Variants in ZNF440 observed in about 807,000 individuals in gnomAD.
ZNF440 encodes zinc finger protein 440.
A neutral mutation model predicts 49.7 loss-of-function variants in ZNF440; 47 were observed. That is an observed-to-expected ratio of 0.95 (90% CI 0.75 to 1.21). The LOEUF is 1.21. ZNF440 is among the 50% of genes most tolerant of loss of function. The probability of loss-of-function intolerance (pLI) is 0.00; values close to 1 mark genes in which losing one functional copy is unlikely to be tolerated. For missense variants in ZNF440, 703 were observed against 715.0 expected, an observed-to-expected ratio of 0.98 and a Z score of 0.19; for synonymous variants, 255 against 237.7, an observed-to-expected ratio of 1.07 and a Z score of -0.67.
chr19:11,817,853 C>T (rs922517476), intron 1 of ZNF440, among the ~76,000 whole-genome samples: 2 of 152,138 alleles, frequency 1.3e-5, no homozygotes, highest in Non-Finnish European at 2.9e-5. Context: ...AAATTTATTA[C>T]TCTGTTGATT....
rs974711512 is a variant in ZNF440, at chr19:11,833,066, C to T, written c.*102C>T. ...TGAAAAATCTTACACTGGAGAGAAA[C>T]CCTATGAGTGTAAGCAATGTGGGAA... On this transcript the variant is annotated 3_prime_UTR_variant, in exon 4 of 4. Transcript: ENST00000304060. 9 of 1,555,332 alleles carry T rather than the reference C, an allele frequency of 5.8e-6. No individual in the cohort carries two copies. The highest frequency in any genetic ancestry group is 1.1e-5 in the South Asian group (1 of 87,818).
chr19:11,830,969 T>C (rs1975929749), intron 3 of ZNF440, among the ~76,000 whole-genome samples: 1 of 152,078 alleles, frequency 6.6e-6, no homozygotes, highest in Non-Finnish European at 1.5e-5. Flanking sequence ...TAGCTGGGCA[T>C]TGTGGTCTGT....
rs752787739 is a variant in ZNF440 at position 11,830,351 on chromosome 19, C to T, written c.72C>T (p.Ser24=). The stretch of plus-strand genomic sequence containing the variant: ...AGGAGTGGGCTTTGCTGGATATTTC[C>T]CAGAGGAAACTCTACAGGGAAGTGA... ...TQEEWALLDI[S]QRKLYREVML... is the part of the protein sequence containing the mutation. The change falls in exon 2 of 4, where the codon TCC becomes TCT. Residue 24 remains serine, a synonymous_variant. Transcript: ENST00000304060. 5.6e-5 allele frequency: 91 copies of T among 1,614,124 alleles called. 1 individual carries two copies. The South Asian group carries it at 9.7e-4, about 17-fold the overall frequency.
Position 11,833,008 on chromosome 19 carries a change from G to A in ZNF440, c.*44G>A, listed in dbSNP as rs375049. 0.36 allele frequency: 583,033 copies of A among 1,597,674 alleles called. 108,700 individuals are homozygous for A. The highest frequency in any genetic ancestry group is 0.47 in the African/African-American group (34,443 of 73,680). ...CTTATAAATGTAAGATATGTGGGAG[G>A]GGCTTTTATTCTGCCAAGTCATTTC... On this transcript the variant is annotated 3_prime_UTR_variant, in exon 4 of 4. Transcript: ENST00000304060.
chr19:11,826,149 A>G (rs1056463889), intron 1 of ZNF440, among the ~76,000 whole-genome samples: 1 of 152,080 alleles, frequency 6.6e-6, no homozygotes, highest in African/African-American at 2.4e-5. Flanking sequence ...ATAACATTCT[A>G]TTGTACGGAT....
In ZNF440 at chr19:11,833,895, A is replaced by T; in HGVS notation, c.*931A>T. 1 of 377,944 alleles carries T rather than the reference A, an allele frequency of 2.6e-6. No homozygotes were observed. Among genetic ancestry groups the T allele is most frequent in the Non-Finnish European group, 4.9e-6 (1 of 204,350 alleles). 23.4% of individuals were successfully genotyped at this position (377,944 alleles called of 1,614,324 possible). A position where few individuals can be genotyped will look rare whatever the true frequency, so the allele number is the denominator to read the frequency against. ...TTGAATACAGATAATGAATGTAAAC[A>T]ATTAACTGTTTATAATAACTGTATA... is the stretch of plus-strand genomic sequence containing the variant. On this transcript the variant is annotated 3_prime_UTR_variant, in exon 4 of 4. Transcript: ENST00000304060.
In ZNF440 at chr19:11,832,868, C is replaced by T; in HGVS notation, c.1692C>T (p.His564=). ...ACACCTTTGAATACGTGGTAGGACA[C>T]ACAATGGAGAGAAGCCCTATGCATG... The part of the protein sequence containing the change: ...LPHTFEYVVG[H]TMERSPMHVR... The change falls in exon 4 of 4, where the codon CAC becomes CAT. Residue 564 remains histidine (H), a synonymous_variant. Transcript: ENST00000304060. 2 of 1,612,652 alleles carry T rather than the reference C, an allele frequency of 1.2e-6. No individual in the cohort carries two copies. The highest frequency in any genetic ancestry group is 2.2e-5 in the East Asian group (1 of 44,852).
chr19:11,830,934 C>T (rs144842487), intron 3 of ZNF440, among the ~76,000 whole-genome samples: 1 of 152,208 alleles, frequency 6.6e-6, no homozygotes, highest in African/African-American at 2.4e-5. Context: ...CATAACGAGA[C>T]CACATATCAA....
intron 1 of ZNF440, among the ~76,000 whole-genome samples, chr19:11,829,391 TC>T (rs995720784): frequency 1.3e-5 from 2 of 151,012 alleles, no homozygotes; most frequent in African/African-American, 4.9e-5. Context: ...TCCCAGGGGC[TC>T]CCCCTCCTGC....
At chr19:11,829,690 A>G (rs1975909414) in intron 1 of ZNF440, among the ~76,000 whole-genome samples, 1 of 152,156 alleles carries the variant, frequency 6.6e-6, no homozygotes, top group African/African-American at 2.4e-5. Context: ...TGAACTAGCC[A>G]GGTGTGGTGG....
intron 1 of ZNF440, among the ~76,000 whole-genome samples, chr19:11,815,327 A>ACACACACACACACACACAC (rs1568237561): frequency 1.5e-5 from 1 of 68,280 alleles, no homozygotes. Flanking sequence ...CACACACACA[A>ACACACACACACACACACAC]ATTAAATAGG....
chr19:11,833,794 A>C lies in ZNF440; in HGVS notation c.*830A>C, dbSNP rs1975984516. 1.2e-6 allele frequency: 1 copy of C among 832,464 alleles called. No homozygotes were observed. Among genetic ancestry groups the C allele is most frequent in the Admixed American group, 2.6e-5 (1 of 38,444 alleles). The allele number at this position is 832,464 out of a possible 1,614,324, so 51.6% of individuals were successfully genotyped here. A position where few individuals can be genotyped will look rare whatever the true frequency, so the allele number is the denominator to read the frequency against. On this transcript the variant is annotated 3_prime_UTR_variant, in exon 4 of 4. Coordinates refer to ENST00000304060, the MANE Select transcript of ZNF440 (RefSeq NM_152357.3). ...AGATCAGCCTCGCACCTTCAAATGC[A>C]TGGAAGGACTCACACTGGAGAAAAA...
chr19:11,820,422 A>G (rs982686800), intron 1 of ZNF440, among the ~76,000 whole-genome samples: 24 of 152,008 alleles, frequency 1.6e-4, no homozygotes, highest in African/African-American at 4.8e-4. Flanking sequence ...GTTTCACCGT[A>G]TTAGTCAGGA....
intron 1 of ZNF440, among the ~76,000 whole-genome samples, chr19:11,825,232 T>C (rs1039331765): frequency 1.3e-5 from 2 of 152,284 alleles, no homozygotes; most frequent in Middle Eastern, 6.8e-3. Context: ...TGACTTTGTG[T>C]AGTGTATCCT....
rs1355931147 is a variant in ZNF440, at chr19:11,831,474, T to A, written c.298T>A (p.Ser100Thr). The A allele has an allele frequency of 6.2e-7, 1 of 1,613,788 alleles. No homozygotes were observed. The highest frequency in any genetic ancestry group is 1.3e-5 in the African/African-American group (1 of 74,904). Residue 100 changes from serine (S) to threonine (T), a missense_variant, in exon 4 of 4, where the codon TCT becomes ACT. Ser to Thr is a moderately conservative substitution (Grantham distance 58). Coordinates refer to ENST00000304060, the MANE Select transcript of ZNF440 (RefSeq NM_152357.3). Reference sequence around the variant, plus strand: ...ACTGAACTTCCAGGAGAAGAAAGCTTCTCCTGAAGTAAAATCATGTGAAAG... The same window carrying A: ...ACTGAACTTCCAGGAGAAGAAAGCTACTCCTGAAGTAAAATCATGTGAAAG... Reference protein sequence around the residue: ...DRLNFQEKKASPEVKSCESFV... With the variant: ...DRLNFQEKKATPEVKSCESFV...
In ZNF440 at chr19:11,834,276, G is replaced by C. The variant is rs532526306; in HGVS notation, c.*1312G>C. 1 of 167,014 alleles carries C rather than the reference G, an allele frequency of 6.0e-6. No homozygotes were observed. The highest frequency in any genetic ancestry group is 2.0e-4 in the South Asian group (1 of 4,918). The allele number at this position is 167,014 out of a possible 1,614,324, so 10.3% of individuals were successfully genotyped here. A position where few individuals can be genotyped will look rare whatever the true frequency, so the allele number is the denominator to read the frequency against. ...TGAGTAGCTGGGACTACAGGCATGC[G>C]CCACCATGCCAGGCTAATTTTTTGT... is the stretch of plus-strand genomic sequence containing the variant. On this transcript the variant is annotated 3_prime_UTR_variant, in exon 4 of 4. Transcript: ENST00000304060.
rs760454527 is a variant in ZNF440, at chr19:11,831,517, T to G, written c.341T>G (p.Val114Gly). 6.2e-7 allele frequency: 1 copy of G among 1,614,056 alleles called. No homozygotes were observed. The highest frequency in any genetic ancestry group is 1.7e-5 in the Admixed American group (1 of 60,010). ...KSCESFVCGE[V>G]GLGNSSFNMN... Reference sequence around the variant, plus strand: ...TGTGAAAGCTTTGTGTGTGGAGAAGTTGGCCTAGGTAACTCATCTTTTAAT... The same window carrying G: ...TGTGAAAGCTTTGTGTGTGGAGAAGGTGGCCTAGGTAACTCATCTTTTAAT... Residue 114 changes from valine to glycine, a missense_variant, in exon 4 of 4, where the codon GTT becomes GGT. By Grantham distance (109) the Val-to-Gly change is moderately radical. Transcript: ENST00000304060.
At chr19:11,823,963 A>C (rs922833537) in intron 1 of ZNF440, among the ~76,000 whole-genome samples, 1 of 151,900 alleles carries the variant, frequency 6.6e-6, no homozygotes. Context: ...ACTCCATCTC[A>C]AAAAAATAAA....
At chr19:11,830,517 A>G in intron 2 of ZNF440, 100 bp from the exon 3 acceptor site, 1 of 1,600,324 alleles carries the variant, frequency 6.2e-7, no homozygotes, top group Non-Finnish European at 8.5e-7. Context: ...TTTGATGAAT[A>G]AATGAGGTAT....
Sources: gnomAD v4.1 joint callset for allele counts (sites outside exome capture counted in the v4.1 genomes callset) on GRCh38, gnomAD v4.1.1 for gene constraint, MANE v1.5 for transcripts, NCBI Gene and HGNC (gene_info 2026-07-23, HGNC 2026-07-21) for gene names.